The following CASP6 variants were observed in gnomAD, a reference collection of about 807,000 sequenced individuals.
CASP6 encodes caspase 6.
Under a neutral mutation model 31.8 loss-of-function variants are expected in CASP6, and 20 were observed. The observed-to-expected ratio is 0.63, with a 90% CI of 0.44 to 0.91. The LOEUF is 0.91. Ranked by LOEUF, CASP6 falls within the 40% of genes least tolerant of loss-of-function variation. The pLI, the probability that CASP6 is intolerant of heterozygous loss-of-function variation, is 0.00. For missense variants in CASP6, 328 were observed against 361.1 expected, an observed-to-expected ratio of 0.91 and a Z score of 0.74; for synonymous variants, 130 against 127.8, an observed-to-expected ratio of 1.02 and a Z score of -0.12.
upstream of CASP6, chr4:109,703,715 C>CA (rs1367268078): frequency 6.3e-6 from 3 of 477,580 alleles, no homozygotes; most frequent in African/African-American, 6.1e-5. Context: ...GGGGGACACA[C>CA]AGACCGCCTA....
At chr4:109,696,009 A>T (rs1329557240) in intron 4 of CASP6, among the ~76,000 whole-genome samples, 2 of 152,196 alleles carry the variant, frequency 1.3e-5, no homozygotes, top group Non-Finnish European at 2.9e-5. Flanking sequence ...CGCTGTGAGA[A>T]TTAAAGGAGG....
At chr4:109,709,269 G>C in the CASP6 span, among the ~76,000 whole-genome samples, 1 of 152,272 alleles carries the variant, frequency 6.6e-6, no homozygotes, top group East Asian at 1.9e-4. Context: ...CTCTGGGGGT[G>C]GGGTCCAGCA....
chr4:109,681,871 CAGTTTCAAGATTTAAT>C, the CASP6 span, among the ~76,000 whole-genome samples: 1 of 152,194 alleles, frequency 6.6e-6, no homozygotes, highest in East Asian at 1.9e-4. Context: ...CAGAAGAGTG[CAGTTTCAAGATTTAAT>C]AGTGTGAAAT....
intron 4 of CASP6, 43 bp from the exon 5 acceptor site, chr4:109,694,743 G>C: frequency 7.0e-7 from 1 of 1,428,666 alleles, no homozygotes; most frequent in South Asian, 1.6e-5. Flanking sequence ...AAAATATGAT[G>C]CTTGTTATCT....
the CASP6 span, among the ~76,000 whole-genome samples, chr4:109,676,258 G>T: frequency 6.6e-6 from 1 of 152,184 alleles, no homozygotes; most frequent in Non-Finnish European, 1.5e-5. Context: ...TCGATGGTAG[G>T]CTGGGTGTGG....
At chr4:109,703,453 C>T (rs537198109), upstream of CASP6, 1 of 1,583,374 alleles carries the variant, frequency 6.3e-7, no homozygotes, top group Admixed American at 1.8e-5. Context: ...CACAGGCTCC[C>T]GGGCCCGGCC....
intron 5 of CASP6, among the ~76,000 whole-genome samples, chr4:109,693,869 G>A (rs1327438532): frequency 6.6e-6 from 1 of 151,764 alleles, no homozygotes; most frequent in African/African-American, 2.4e-5. Flanking sequence ...TTCCCGAATG[G>A]CTGGGATTAC....
At chr4:109,672,686 GA>G in the CASP6 span, among the ~76,000 whole-genome samples, 3 of 152,330 alleles carry the variant, frequency 2.0e-5, no homozygotes, top group South Asian at 6.2e-4. Flanking sequence ...CCAAATTCTA[GA>G]TCAGGCAAGA....
chr4:109,699,323 A>G (rs755715656), intron 1 of CASP6, among the ~76,000 whole-genome samples: 4 of 152,188 alleles, frequency 2.6e-5, no homozygotes, highest in Non-Finnish European at 5.9e-5. Context: ...ATCATCTCCT[A>G]GCCAAAAGGG....
chr4:109,689,170 G>C lies in CASP6; in HGVS notation c.*160C>G. ...TTTTTTTTGCATTTTTAGTAGAGAC[G>C]GGGCTTCTCCATGTTGGTCAGGCTG... On this transcript the variant is annotated 3_prime_UTR_variant, in exon 7 of 7. Transcript: ENST00000265164. 1 of 647,372 alleles carries C rather than the reference G, an allele frequency of 1.5e-6. No homozygotes were observed. Among genetic ancestry groups the C allele is most frequent in the Non-Finnish European group, 2.7e-6 (1 of 366,926 alleles). The allele number at this position is 647,372 out of a possible 1,614,324, so 40.1% of individuals were successfully genotyped here. A position where few individuals can be genotyped will look rare whatever the true frequency, so the allele number is the denominator to read the frequency against.
chr4:109,676,683 G>A, the CASP6 span, among the ~76,000 whole-genome samples: 4 of 152,198 alleles, frequency 2.6e-5, no homozygotes, highest in South Asian at 8.3e-4. Flanking sequence ...GTTTTCTGCT[G>A]CAATAGCAGA....
At chr4:109,678,107 C>T in the CASP6 span, among the ~76,000 whole-genome samples, 1 of 151,920 alleles carries the variant, frequency 6.6e-6, no homozygotes, top group African/African-American at 2.4e-5. Context: ...TGACACAGCA[C>T]ATGTTTCAGA....
chr4:109,678,818 G>A, the CASP6 span, among the ~76,000 whole-genome samples: 1 of 138,230 alleles, frequency 7.2e-6, no homozygotes, highest in African/African-American at 2.8e-5. Context: ...TCAATTCCCA[G>A]ACGGGGCAGC....
intron 1 of CASP6, among the ~76,000 whole-genome samples, chr4:109,700,340 G>C (rs1181694913): frequency 3.9e-5 from 6 of 152,198 alleles, no homozygotes; most frequent in Non-Finnish European, 7.3e-5. Flanking sequence ...CTAGTATTAA[G>C]TAGCTGCTCA....
Position 109,700,073 on chromosome 4 carries a change from C to A in CASP6, c.41-1731G>T, listed in dbSNP as rs185982359. Reference sequence around the variant, plus strand: ...CTTCTGCTCCATACTGACTGCTGAGCCGAAGGCGGCTCACAACCTAACTCA... The same window carrying A: ...CTTCTGCTCCATACTGACTGCTGAGACGAAGGCGGCTCACAACCTAACTCA... On this transcript the variant is annotated intron_variant, in intron 1 of 6. Transcript: ENST00000265164. Among the ~76,000 whole-genome samples the A allele has an allele frequency of 1.1e-3, 168 of 152,324 alleles. 1 individual carries two copies. Among genetic ancestry groups the A allele is most frequent in the African/African-American group, 3.7e-3 (152 of 41,586 alleles).
upstream of CASP6, among the ~76,000 whole-genome samples, chr4:109,703,920 C>A (rs1730520410): frequency 6.6e-6 from 1 of 152,136 alleles, no homozygotes; most frequent in Non-Finnish European, 1.5e-5. Flanking sequence ...CATTTTGGTA[C>A]TCTCGCAATA....
In CASP6 at chr4:109,703,429, C is replaced by G; in HGVS notation, c.-34G>C. On this transcript the variant is annotated 5_prime_UTR_variant, in exon 1 of 7. Coordinates refer to ENST00000265164, the MANE Select transcript of CASP6 (RefSeq NM_001226.4). Reference sequence around the variant, plus strand: ...AACGCGCAGCCAGACACCTTGCCCTCCTCTTCCTGAAGCCACAGGCTCCCG... The same window carrying G: ...AACGCGCAGCCAGACACCTTGCCCTGCTCTTCCTGAAGCCACAGGCTCCCG... 6.2e-7 allele frequency: 1 copy of G among 1,607,932 alleles called. No individual in the cohort carries two copies. The highest frequency in any genetic ancestry group is 8.5e-7 in the Non-Finnish European group (1 of 1,177,630).
the CASP6 span, among the ~76,000 whole-genome samples, chr4:109,666,872 C>T: frequency 1.1e-3 from 161 of 152,170 alleles, 3 homozygotes; most frequent in East Asian, 0.029. Flanking sequence ...CTTCCTTAGT[C>T]TGTTGATATG....
At chr4:109,706,001 A>AATATATATATATATAT (rs58700813), upstream of CASP6, among the ~76,000 whole-genome samples, 53 of 31,646 alleles carry the variant, frequency 1.7e-3, no homozygotes, top group South Asian at 6.8e-3. Context: ...AAAAAAAAAA[A>AATATATATATATATAT]ATATATATAT....
Sources: allele counts gnomAD v4.1 joint callset (sites outside exome capture counted in the v4.1 genomes callset), GRCh38; gene constraint gnomAD v4.1.1; transcripts MANE v1.5; gene names NCBI Gene and HGNC (gene_info 2026-07-23, HGNC 2026-07-21).